The following TTR variants were observed in gnomAD, a reference collection of about 807,000 sequenced individuals.
TTR encodes the protein transthyretin.
TTR carries 8 observed loss-of-function variants against 13.7 expected under a neutral mutation model. That is an observed-to-expected ratio of 0.58 (90% confidence interval 0.34 to 1.05). TTR has a LOEUF of 1.05. Among genes scored for constraint, TTR ranks in the 50% least tolerant of loss-of-function variants. TTR has a pLI of 0.02. For missense variants in TTR, 135 were observed against 185.5 expected, an observed-to-expected ratio of 0.73 and a Z score of 1.58; for synonymous variants, 75 against 71.7, an observed-to-expected ratio of 1.05 and a Z score of -0.23.
At chr18:31,592,463 G>T (rs2073490869) in intron 1 of TTR, among the ~76,000 whole-genome samples, 2 of 152,030 alleles carry the variant, frequency 1.3e-5, no homozygotes, top group Admixed American at 1.3e-4. Context: ...CTATAAAATG[G>T]GTCTGGATGT....
intron 2 of TTR, among the ~76,000 whole-genome samples, chr18:31,594,828 C>A (rs1219356027): frequency 1.3e-5 from 2 of 151,898 alleles, no homozygotes; most frequent in East Asian, 1.9e-4. Context: ...CGTGCCATTG[C>A]ACTCCAGCCT....
At chr18:31,592,774 G>T in intron 1 of TTR, 122 bp from the exon 2 acceptor site, 1 of 1,322,286 alleles carries the variant, frequency 7.6e-7, no homozygotes, top group South Asian at 1.2e-5. Flanking sequence ...CGACACTTAC[G>T]TTCCTGATAA....
At chr18:31,594,730 G>A (rs2073507205) in intron 2 of TTR, among the ~76,000 whole-genome samples, 1 of 152,150 alleles carries the variant, frequency 6.6e-6, no homozygotes, top group Non-Finnish European at 1.5e-5. Context: ...CAGGCATGGT[G>A]GCAGGCGCCT....
intron 3 of TTR, among the ~76,000 whole-genome samples, chr18:31,596,600 A>G (rs531968674): frequency 6.6e-6 from 1 of 152,008 alleles, no homozygotes; most frequent in Admixed American, 6.6e-5. Flanking sequence ...TACTGCCCAC[A>G]TGTTGTTCTC....
At position 31,598,649 on chromosome 18, in the gene TTR, G is replaced by T. The variant is rs876658108; in HGVS notation, c.418G>T (p.Ala140Ser). ...GAGCCCCTACTCCTATTCCACCACG[G>T]CTGTCGTCACCAATCCCAAGGAATG... ...LLSPYSYSTT[A>S]VVTNPKE The change falls in exon 4 of 4, where the codon GCT becomes TCT. Residue 140 changes from alanine (A) to serine (S), a missense_variant. By Grantham distance (99) the Ala-to-Ser change is moderately conservative (BLOSUM62 1). Transcript: ENST00000237014. 6.2e-7 allele frequency: 1 copy of T among 1,614,112 alleles called. No individual in the cohort carries two copies. Among genetic ancestry groups the T allele is most frequent in the African/African-American group, 1.3e-5 (1 of 75,028 alleles).
At chr18:31,593,089 G>T in intron 2 of TTR, 63 bp downstream of exon 2, 1 of 1,606,556 alleles carries the variant, frequency 6.2e-7, no homozygotes, top group Non-Finnish European at 8.5e-7. Context: ...CCCTCACTTG[G>T]TAGAGAGAGG....
chr18:31,595,354 T>G, intron 3 of TTR, 99 bp downstream of exon 3: 9 of 1,527,168 alleles, frequency 5.9e-6, no homozygotes, highest in Non-Finnish European at 8.1e-6. Context: ...AGAAATGTCC[T>G]AAGGAAGGTG....
chr18:31,593,118 G>C (rs2073495310), intron 2 of TTR, 92 bp downstream of exon 2: 1 of 1,581,974 alleles, frequency 6.3e-7, no homozygotes, highest in South Asian at 1.1e-5. Context: ...ATCTGCTAAA[G>C]AATTTACAAG....
rs1238537578 is a variant in TTR, at chr18:31,595,266, A to C, written c.336+11A>C. ...CATGAGCATGCAGAGGTGAGTATAC[A>C]GACCTTCGAGGGTTGTTTTGGTTTT... is the stretch of plus-strand genomic sequence containing the variant. On this transcript the variant is annotated intron_variant, in intron 3 of 3. Coordinates refer to ENST00000237014, the MANE Select transcript of TTR (RefSeq NM_000371.4). 1.9e-6 allele frequency: 3 copies of C among 1,614,184 alleles called. No homozygotes were observed. The highest frequency in any genetic ancestry group is 2.5e-6 in the Non-Finnish European group (3 of 1,180,002).
In TTR at chr18:31,598,750, A is replaced by T; in HGVS notation, c.*75A>T. 1 of 1,498,636 alleles carries T rather than the reference A, an allele frequency of 6.7e-7. No individual in the cohort carries two copies. The highest frequency in any genetic ancestry group is 9.2e-7 in the Non-Finnish European group (1 of 1,083,386). The allele number at this position is 1,498,636 out of a possible 1,614,324, so 92.8% of individuals were successfully genotyped here. ...AACCAAGAGTATTCCATTTTTACTA[A>T]AGCAGTGTTTTCACCTCATATGCTA... On this transcript the variant is annotated 3_prime_UTR_variant, in exon 4 of 4. Coordinates refer to ENST00000237014, the MANE Select transcript of TTR (RefSeq NM_000371.4).
intron 2 of TTR, among the ~76,000 whole-genome samples, chr18:31,594,864 C>CA (rs201127578): frequency 0.012 from 1,664 of 136,896 alleles, 28 homozygotes; most frequent in East Asian, 0.043. Flanking sequence ...AACTCTGTCT[C>CA]AAAAAAAAAA....
chr18:31,598,503 A>G, intron 3 of TTR, 65 bp from the exon 4 acceptor site: 1 of 1,491,678 alleles, frequency 6.7e-7, no homozygotes. Flanking sequence ...GTGGTCAGTC[A>G]TGTGTGTCAT....
At chr18:31,598,184 G>A (rs565910310) in intron 3 of TTR, 16 of 348,056 alleles carry the variant, frequency 4.6e-5, no homozygotes, top group Non-Finnish European at 7.9e-5. Flanking sequence ...TAAGTCTGTG[G>A]TTGGCAGCCA....
chr18:31,596,880 T>G (rs1009804331), intron 3 of TTR, among the ~76,000 whole-genome samples: 1 of 152,156 alleles, frequency 6.6e-6, no homozygotes, highest in African/African-American at 2.4e-5. Flanking sequence ...TGCCTCACTT[T>G]GGTGACGGGT....
At chr18:31,597,953 C>T (rs549097435) in intron 3 of TTR, 5 of 183,492 alleles carry the variant, frequency 2.7e-5, no homozygotes, top group East Asian at 1.3e-4. Flanking sequence ...GCTTTTACTT[C>T]GTATTTCATT....
At chr18:31,592,750 A>G in intron 1 of TTR, 146 bp from the exon 2 acceptor site, 2 of 1,009,074 alleles carry the variant, frequency 2.0e-6, no homozygotes, top group Non-Finnish European at 1.5e-6. Flanking sequence ...TGAGTAGGGA[A>G]GCTCATTAAT....
intron 3 of TTR, chr18:31,595,840 A>G (rs572142291): frequency 4.8e-6 from 1 of 209,932 alleles, no homozygotes; most frequent in East Asian, 1.2e-4. Flanking sequence ...GGTCAGTCCT[A>G]TTATTATCCC....
At position 31,592,956 on chromosome 18, in the gene TTR, C is replaced by T. The variant is rs11541790; in HGVS notation, c.130C>T (p.Pro44Ser). The T allele has an allele frequency of 6.2e-7, 1 of 1,614,026 alleles. No individual in the cohort carries two copies. Among genetic ancestry groups the T allele is most frequent in the Non-Finnish European group, 8.5e-7 (1 of 1,179,988 alleles). Residue 44 changes from proline (P) to serine (S), a missense_variant, in exon 2 of 4, where the codon CCT becomes TCT. Coordinates refer to ENST00000237014, the MANE Select transcript of TTR (RefSeq NM_000371.4). The part of the protein sequence containing the change: ...VKVLDAVRGS[P>S]AINVAVHVFR... ...AGTTCTAGATGCTGTCCGAGGCAGTCCTGCCATCAATGTGGCCGTGCATGT... is the reference window on the plus strand; with the variant it reads ...AGTTCTAGATGCTGTCCGAGGCAGTTCTGCCATCAATGTGGCCGTGCATGT...
chr18:31,598,126 C>A (rs2073525892), intron 3 of TTR: 1 of 322,050 alleles, frequency 3.1e-6, no homozygotes, highest in Non-Finnish European at 6.1e-6. Context: ...CTGGTTTGCT[C>A]ATCTGTAAAT....
Sources: gnomAD v4.1 joint callset for allele counts (sites outside exome capture counted in the v4.1 genomes callset) on GRCh38, gnomAD v4.1.1 for gene constraint, MANE v1.5 for transcripts, NCBI Gene and HGNC (gene_info 2026-07-23, HGNC 2026-07-21) for gene names.